FHL1: variants seen among roughly 807,000 people sequenced by gnomAD.
FHL1 encodes the protein four and a half LIM domains 1.
FHL1 carries 1 observed loss-of-function variant against 20.3 expected under a neutral mutation model. The observed-to-expected ratio is 0.05, with a 90% CI of 0.02 to 0.23. The LOEUF is 0.23. FHL1 is among the 10% of genes least tolerant of loss of function. The pLI is 1.00. For missense variants in FHL1, 177 were observed against 234.0 expected (o/e 0.76, Z 1.59); for synonymous variants, 82 against 88.9 (o/e 0.92, Z 0.44).
At chrX:136,165,129 C>T (rs1478967950), upstream of FHL1, among the ~76,000 whole-genome samples, 3 of 111,813 alleles carry the variant, frequency 2.7e-5, no homozygotes, top group East Asian at 8.4e-4. Context: ...GGACACAAAA[C>T]TGGACTTTAT....
intron 1 of FHL1, among the ~76,000 whole-genome samples, chrX:136,203,843 A>T (rs2073775911): frequency 1.8e-5 from 2 of 112,262 alleles, no homozygotes; most frequent in Non-Finnish European, 3.8e-5. Flanking sequence ...CTTTGGTATG[A>T]CACTAGTTAA....
At chrX:136,184,673 G>T (rs1408840761) in intron 2 of FHL1, among the ~76,000 whole-genome samples, 2 of 111,445 alleles carry the variant, frequency 1.8e-5, no homozygotes, top group African/African-American at 3.3e-5. Context: ...AGATTTTGTA[G>T]TATATGATAA....
upstream of FHL1, chrX:136,147,114 G>A: frequency 4.1e-6 from 1 of 241,437 alleles, no homozygotes; most frequent in Non-Finnish European, 7.8e-6. Flanking sequence ...CGTGACTCCC[G>A]CAGGCCTCTA....
At chrX:136,171,503 T>TA (rs903251881) in intron 2 of FHL1, among the ~76,000 whole-genome samples, 2 of 112,146 alleles carry the variant, frequency 1.8e-5, no homozygotes, top group Non-Finnish European at 3.8e-5. Flanking sequence ...GAGAAAGATA[T>TA]AAAGATTCTT....
At chrX:136,188,115 A>G (rs1183547963) in intron 2 of FHL1, among the ~76,000 whole-genome samples, 1 of 112,636 alleles carries the variant, frequency 8.9e-6, no homozygotes, top group Non-Finnish European at 1.9e-5. Context: ...TATTATCTCT[A>G]TAATGACAAA....
intron 2 of FHL1, among the ~76,000 whole-genome samples, chrX:136,170,561 G>T (rs2072836688): frequency 9.0e-6 from 1 of 111,301 alleles, no homozygotes; most frequent in Non-Finnish European, 1.9e-5. Context: ...TGCTTATACT[G>T]GATAAGCGTT....
intron 2 of FHL1, 44 bp from the exon 3 acceptor site, chrX:136,206,972 C>A (rs767920501): frequency 8.3e-7 from 1 of 1,199,808 alleles, no homozygotes; most frequent in Non-Finnish European, 1.1e-6. Flanking sequence ...GCCACCACCC[C>A]CAGCACCCCT....
At chrX:136,208,307 G>T in intron 4 of FHL1, 148 bp from the exon 5 acceptor site, 1 of 632,600 alleles carries the variant, frequency 1.6e-6, no homozygotes. Flanking sequence ...GTAAAGTGGG[G>T]ATAATAATAG....
At chrX:136,156,504 A>G (rs1189283419) in intron 1 of FHL1, among the ~76,000 whole-genome samples, 1 of 110,065 alleles carries the variant, frequency 9.1e-6, no homozygotes, top group East Asian at 2.9e-4. Context: ...CTGATCTCGA[A>G]CTCCTGACAT....
At chrX:136,198,475 T>A (rs1327000755) in intron 1 of FHL1, among the ~76,000 whole-genome samples, 1 of 112,205 alleles carries the variant, frequency 8.9e-6, no homozygotes, top group Non-Finnish European at 1.9e-5. Context: ...TAACTGTGGC[T>A]AAATGGGACC....
intron 2 of FHL1, among the ~76,000 whole-genome samples, chrX:136,188,492 T>C (rs2073361790): frequency 1.8e-5 from 2 of 111,244 alleles, no homozygotes; most frequent in South Asian, 7.7e-4. Flanking sequence ...AGGAGGAGAT[T>C]AACTTTGGGG....
intron 5 of FHL1, 73 bp downstream of exon 5, chrX:136,208,714 C>A (rs748861507): frequency 9.6e-7 from 1 of 1,040,255 alleles, no homozygotes; most frequent in South Asian, 1.9e-5. Flanking sequence ...ATTTTCCTGT[C>A]GTCGGTTTCA....
chrX:136,152,278 G>A (rs2072286174), intron 1 of FHL1, among the ~76,000 whole-genome samples: 1 of 112,290 alleles, frequency 8.9e-6, no homozygotes, highest in Admixed American at 9.5e-5. Context: ...TATTTGTTAA[G>A]TAACTTGTCT....
intron 2 of FHL1, among the ~76,000 whole-genome samples, chrX:136,181,552 C>T (rs771545754): frequency 2.7e-5 from 3 of 112,053 alleles, no homozygotes; most frequent in Non-Finnish European, 5.6e-5. Context: ...CCTAGAAAAA[C>T]CTTAAAATGG....
chrX:136,154,778 C>T (rs2072365750), intron 1 of FHL1, among the ~76,000 whole-genome samples: 1 of 109,503 alleles, frequency 9.1e-6, no homozygotes, highest in Admixed American at 9.7e-5. Context: ...GCTCTCTCAG[C>T]TCACTGCAAC....
chrX:136,203,111 C>A (rs988075228), intron 1 of FHL1, among the ~76,000 whole-genome samples: 2 of 112,456 alleles, frequency 1.8e-5, no homozygotes, highest in Non-Finnish European at 3.8e-5. Flanking sequence ...AAAACAAATA[C>A]GAAAGTTCAT....
At chrX:136,203,193 A>T (rs1176157305) in intron 1 of FHL1, among the ~76,000 whole-genome samples, 1 of 112,684 alleles carries the variant, frequency 8.9e-6, no homozygotes, top group African/African-American at 3.2e-5. Context: ...AACAAATCCA[A>T]CATTCCTAGA....
At chrX:136,165,035 A>C (rs1420555686), upstream of FHL1, among the ~76,000 whole-genome samples, 1 of 112,156 alleles carries the variant, frequency 8.9e-6, no homozygotes, top group Non-Finnish European at 1.9e-5. Flanking sequence ...GTATCATATA[A>C]AATAAATATA....
chrX:136,181,129 G>A (rs143252241), intron 2 of FHL1, among the ~76,000 whole-genome samples: 1,732 of 112,294 alleles, frequency 0.015, 30 homozygotes, highest in African/African-American at 0.052. Flanking sequence ...CATCAAAGTC[G>A]GGGTAGTATT....
Sources: allele counts gnomAD v4.1 joint callset (sites outside exome capture counted in the v4.1 genomes callset), GRCh38; gene constraint gnomAD v4.1.1; transcripts MANE v1.5; gene names NCBI Gene and HGNC (gene_info 2026-07-23, HGNC 2026-07-21).